MRE11: variants seen among roughly 807,000 people sequenced by gnomAD.
MRE11 encodes the protein double-strand break repair protein MRE11.
In MRE11, 62 loss-of-function variants were observed where a neutral mutation model predicts 91.7. That is an observed-to-expected ratio of 0.68 (90% CI 0.55 to 0.84). MRE11 has a LOEUF of 0.84. Among genes scored for constraint, MRE11 ranks in the 40% least tolerant of loss-of-function variants. The probability of loss-of-function intolerance (pLI) is 0.00; values close to 1 mark genes in which losing one functional copy is unlikely to be tolerated. For missense variants in MRE11, 796 were observed against 852.9 expected (o/e 0.93, Z 0.83); for synonymous variants, 273 against 271.4 (o/e 1.01, Z -0.06).
At chr11:94,468,438 C>T (rs1333964108) in intron 9 of MRE11, among the ~76,000 whole-genome samples, 1 of 152,062 alleles carries the variant, frequency 6.6e-6, no homozygotes, top group East Asian at 1.9e-4. Context: ...AGGGTAAAAC[C>T]AAGTTACAAG....
chr11:94,484,256 T>C (rs887065800), intron 4 of MRE11, among the ~76,000 whole-genome samples: 12 of 152,140 alleles, frequency 7.9e-5, no homozygotes, highest in African/African-American at 2.2e-4. Flanking sequence ...TAAACAAATG[T>C]GGGACAAGGG....
At chr11:94,447,767 T>C (rs1379373422) in intron 14 of MRE11, among the ~76,000 whole-genome samples, 1 of 151,104 alleles carries the variant, frequency 6.6e-6, no homozygotes, top group African/African-American at 2.4e-5. Flanking sequence ...GCCTAGGAGA[T>C]ACAGGCTGCA....
chr11:94,497,558 C>G (rs1025969242), upstream of MRE11: 1 of 156,084 alleles, frequency 6.4e-6, no homozygotes, highest in African/African-American at 2.4e-5. Flanking sequence ...AAAATTACAA[C>G]CTAAAAGGTT....
chr11:94,444,949 T>C (rs1945883763), intron 16 of MRE11, among the ~76,000 whole-genome samples: 1 of 152,178 alleles, frequency 6.6e-6, no homozygotes, highest in South Asian at 2.1e-4. Flanking sequence ...ACCACCTATC[T>C]TAATGCATAC....
At position 94,435,880 on chromosome 11, in the gene MRE11, G is replaced by A. The variant is rs1591640949; in HGVS notation, c.1946C>T (p.Ser649Leu). The A allele has an allele frequency of 6.2e-7, 1 of 1,613,712 alleles. No individual in the cohort carries two copies. The highest frequency in any genetic ancestry group is 8.5e-7 in the Non-Finnish European group (1 of 1,179,864). The change falls in exon 18 of 20, where the codon TCA becomes TTA. Residue 649 changes from serine (S) to leucine (L), a missense_variant. Ser to Leu is a moderately radical substitution (Grantham distance 145). Coordinates refer to ENST00000323929, the MANE Select transcript of MRE11 (RefSeq NM_005591.4). The stretch of plus-strand genomic sequence containing the variant: ...AGGAAAAATGTCTTCTTCCACATCT[G>A]ATTCATCTACCTCAATCACCTGGCA... ...NYSEVIEVDE[S>L]DVEEDIFPTT... is the part of the protein sequence containing the mutation.
chr11:94,484,321 A>C (rs972581218), intron 4 of MRE11, among the ~76,000 whole-genome samples: 1 of 152,232 alleles, frequency 6.6e-6, no homozygotes, highest in African/African-American at 2.4e-5. Context: ...GAATATAGGA[A>C]ATGGAAAATC....
intron 11 of MRE11, among the ~76,000 whole-genome samples, chr11:94,462,674 T>C (rs1946452017): frequency 1.3e-5 from 2 of 152,124 alleles, no homozygotes; most frequent in African/African-American, 4.8e-5. Flanking sequence ...AAACAAGCAA[T>C]GGGGAAAGGA....
rs572867806 is a variant in MRE11, at chr11:94,422,118, C to A, written c.2071-1937G>T. 6.4e-4 allele frequency among the ~76,000 whole-genome samples: 98 copies of A among 152,108 alleles called. 1 individual carries two copies. The South Asian group carries it at 0.02, about 30-fold the overall frequency. On this transcript the variant is annotated intron_variant, in intron 19 of 19. Transcript: ENST00000323929. ...TGGGCCTAAGAGAAACACTTTCAAGCAAATCAACAAAAACTAGCAAAGGCC... is the reference window on the plus strand; with the variant it reads ...TGGGCCTAAGAGAAACACTTTCAAGAAAATCAACAAAAACTAGCAAAGGCC...
chr11:94,423,056 A>G (rs1334481469), intron 19 of MRE11, among the ~76,000 whole-genome samples: 2 of 152,196 alleles, frequency 1.3e-5, no homozygotes, highest in Non-Finnish European at 2.9e-5. Flanking sequence ...GAAGGACAAG[A>G]TGGCCAACTA....
intron 16 of MRE11, among the ~76,000 whole-genome samples, chr11:94,438,768 A>G (rs527393553): frequency 1.2e-4 from 18 of 152,332 alleles, no homozygotes; most frequent in African/African-American, 4.1e-4. Flanking sequence ...TAGCTTGACT[A>G]TGGCCAAGCT....
At chr11:94,492,499 T>C (rs1177930479) in intron 2 of MRE11, 1 of 603,326 alleles carries the variant, frequency 1.7e-6, no homozygotes. Context: ...TCAAGAATAT[T>C]TATCACTTCA....
intron 4 of MRE11, among the ~76,000 whole-genome samples, chr11:94,482,373 A>C (rs1947033878): frequency 6.6e-6 from 1 of 152,224 alleles, no homozygotes; most frequent in African/African-American, 2.4e-5. Context: ...GCTCTTAATC[A>C]CTATGCTAAA....
chr11:94,450,472 A>G (rs911302502), intron 14 of MRE11, among the ~76,000 whole-genome samples: 2 of 152,210 alleles, frequency 1.3e-5, no homozygotes, highest in Non-Finnish European at 2.9e-5. Context: ...ACCCCATGAA[A>G]CTTTTTAGCT....
chr11:94,480,530 C>T (rs1946986087), intron 4 of MRE11, among the ~76,000 whole-genome samples: 1 of 152,198 alleles, frequency 6.6e-6, no homozygotes, highest in Non-Finnish European at 1.5e-5. Context: ...AGTCAGTAAT[C>T]TTGTACAAAG....
At position 94,467,854 on chromosome 11, in the gene MRE11, C is replaced by T. The variant is rs764471030; in HGVS notation, c.1057G>A (p.Gly353Ser). The change falls in exon 10 of 20, where the codon GGT (glycine) becomes AGT (serine). Residue 353 changes from glycine to serine, a missense_variant. By Grantham distance (56) the Gly-to-Ser change is moderately conservative (BLOSUM62 0). Transcript: ENST00000323929. ...GGCTTCTCTGGCTGGTGAGAATTAC[C>T]CAGACGTTCCCGTTCAGCATTTTCA... is the stretch of plus-strand genomic sequence containing the variant. ...MLENAERERLGNSHQPEKPLV... is the reference protein window; with the variant it reads ...MLENAERERLSNSHQPEKPLV... The T allele has an allele frequency of 1.9e-6, 3 of 1,613,524 alleles. No individual in the cohort carries two copies. The highest frequency in any genetic ancestry group is 2.2e-5 in the South Asian group (2 of 91,066).
chr11:94,464,093 C>A lies in MRE11; in HGVS notation c.1225+20G>T, dbSNP rs781042746. On this transcript the variant is annotated intron_variant, in intron 11 of 19. Transcript: ENST00000323929. ...ATCCTATAAGAACATTTTTTTACCT[C>A]ATAAAAATAACTAGCTTACCTGTTT... The A allele has an allele frequency of 6.8e-6, 11 of 1,608,168 alleles. No homozygotes were observed. The highest frequency in any genetic ancestry group is 2.1e-4 in the Middle Eastern group (1 of 4,876).
intron 4 of MRE11, among the ~76,000 whole-genome samples, chr11:94,480,755 A>C (rs144301334): frequency 1.3e-3 from 202 of 152,294 alleles, no homozygotes; most frequent in Non-Finnish European, 1.8e-3. Flanking sequence ...CCAGCTCTTA[A>C]ATCTATGCTA....
chr11:94,493,432 C>G (rs564666988), intron 1 of MRE11, among the ~76,000 whole-genome samples: 100 of 152,300 alleles, frequency 6.6e-4, no homozygotes, highest in Middle Eastern at 3.4e-3. Flanking sequence ...AGCAGGATGA[C>G]TGAAAATAGC....
At chr11:94,480,048 A>G (rs1327461095) in intron 4 of MRE11, among the ~76,000 whole-genome samples, 1 of 152,206 alleles carries the variant, frequency 6.6e-6, no homozygotes, top group African/African-American at 2.4e-5. Context: ...TAAGCCTTCA[A>G]AATTTTAAAA....
Sources: gnomAD v4.1 joint callset for allele counts (sites outside exome capture counted in the v4.1 genomes callset) on GRCh38, gnomAD v4.1.1 for gene constraint, MANE v1.5 for transcripts, NCBI Gene and HGNC (gene_info 2026-07-23, HGNC 2026-07-21) for gene names.